The following DLC1 variants were observed in gnomAD, a reference collection of about 807,000 sequenced individuals.
DLC1 encodes DLC1 Rho GTPase activating protein.
Under a neutral mutation model 140.3 loss-of-function variants are expected in DLC1, and 54 were observed. The observed-to-expected ratio is 0.38, with a 90% CI of 0.31 to 0.48. The LOEUF is 0.48. DLC1 is among the 20% of genes least tolerant of loss of function. The probability of loss-of-function intolerance (pLI) is 0.96; values close to 1 mark genes in which losing one functional copy is unlikely to be tolerated. For synonymous variants in DLC1, 986 were observed against 728.1 expected (o/e 1.35, Z -5.70); for missense variants, 2,536 against 1,907.0 (o/e 1.33, Z -6.14).
intron 2 of DLC1, among the ~76,000 whole-genome samples, chr8:13,453,406 ATAT>A (rs1799171361): frequency 4.5e-5 from 2 of 44,682 alleles, no homozygotes; most frequent in African/African-American, 2.7e-4. Context: ...ATATATGTGT[ATAT>A]ATATATATAT....
chr8:13,344,880 T>C (rs937205294), intron 4 of DLC1, among the ~76,000 whole-genome samples: 4 of 152,206 alleles, frequency 2.6e-5, no homozygotes, highest in African/African-American at 9.6e-5. Context: ...CAAAAACTAA[T>C]TGTGTGCACA....
chr8:13,555,748 C>G (rs1236712278), intron 1 of DLC1, among the ~76,000 whole-genome samples: 1 of 151,888 alleles, frequency 6.6e-6, no homozygotes, highest in African/African-American at 2.4e-5. Context: ...GTGATCCTCT[C>G]CGCTTGGCCT....
At chr8:13,236,315 A>G (rs1829277748) in intron 5 of DLC1, among the ~76,000 whole-genome samples, 1 of 152,050 alleles carries the variant, frequency 6.6e-6, no homozygotes, top group Non-Finnish European at 1.5e-5. Flanking sequence ...ATTTCTTTTA[A>G]CAATCTTAGT....
intron 4 of DLC1, among the ~76,000 whole-genome samples, chr8:13,354,256 C>G (rs1434237323): frequency 2.0e-5 from 3 of 152,088 alleles, no homozygotes; most frequent in Admixed American, 2.0e-4. Flanking sequence ...TCTAACTAGC[C>G]AAAACTCCTG....
chr8:13,469,111 G>A lies in DLC1; in HGVS notation c.1023+29938C>T, dbSNP rs150019346. Among the ~76,000 whole-genome samples, 543 of 152,172 alleles carry A rather than the reference G, an allele frequency of 3.6e-3. 3 individuals are homozygous for A. Among genetic ancestry groups the A allele is most frequent in the African/African-American group, 0.012 (492 of 41,524 alleles). On this transcript the variant is annotated intron_variant, in intron 2 of 17. Coordinates refer to ENST00000276297, the MANE Select transcript of DLC1 (RefSeq NM_182643.3). The stretch of plus-strand genomic sequence containing the variant: ...TGGGATTACAGGCGTGAGCCACCGC[G>A]CCCAGCCTGTGTCTGCTTTTTATTC...
chr8:13,194,414 A>G (rs892976197), intron 5 of DLC1, among the ~76,000 whole-genome samples: 1 of 152,216 alleles, frequency 6.6e-6, no homozygotes, highest in African/African-American at 2.4e-5. Context: ...TATGAAAATA[A>G]CAGCTTGCAT....
At chr8:13,185,288 TTTTGTTTGTTTG>T (rs555796835) in intron 5 of DLC1, among the ~76,000 whole-genome samples, 4 of 144,374 alleles carry the variant, frequency 2.8e-5, no homozygotes, top group African/African-American at 5.2e-5. Context: ...TTTCTGTTTT[TTTTGTTTGTTTG>T]TTTGTTTGTT....
chr8:13,398,369 A>T (rs1056836944), intron 3 of DLC1, among the ~76,000 whole-genome samples: 1 of 152,118 alleles, frequency 6.6e-6, no homozygotes. Flanking sequence ...TAGGTGGTGG[A>T]GAAAATACAG....
At chr8:13,186,853 G>A (rs1826400797) in intron 5 of DLC1, among the ~76,000 whole-genome samples, 1 of 152,190 alleles carries the variant, frequency 6.6e-6, no homozygotes, top group African/African-American at 2.4e-5. Flanking sequence ...TGAACTTTTT[G>A]TTGATGTTGA....
At chr8:13,539,245 G>A (rs954328587) in intron 1 of DLC1, among the ~76,000 whole-genome samples, 2 of 152,008 alleles carry the variant, frequency 1.3e-5, no homozygotes, top group East Asian at 3.9e-4. Context: ...TGTTGCCCAG[G>A]CTGGAGTGCA....
chr8:13,306,669 C>T (rs1325026510), intron 4 of DLC1, among the ~76,000 whole-genome samples: 1 of 151,728 alleles, frequency 6.6e-6, no homozygotes, highest in Non-Finnish European at 1.5e-5. Context: ...CGAGAAATAG[C>T]AAATATCAAG....
At chr8:13,168,711 G>T (rs535759205) in intron 5 of DLC1, among the ~76,000 whole-genome samples, 1 of 152,298 alleles carries the variant, frequency 6.6e-6, no homozygotes, top group South Asian at 2.1e-4. Flanking sequence ...TGGCTGTTTT[G>T]CATTTGCTGT....
chr8:13,358,339 C>T (rs1029458943), intron 4 of DLC1, among the ~76,000 whole-genome samples: 3 of 152,180 alleles, frequency 2.0e-5, no homozygotes, highest in Admixed American at 6.5e-5. Context: ...TCAAAATACT[C>T]GTTTTGTCAC....
chr8:13,214,444 A>G lies in DLC1; in HGVS notation c.1348+90825T>C, dbSNP rs1233145106. The G allele has an allele frequency of 5.3e-6, 3 of 570,142 alleles. No homozygotes were observed. The East Asian group carries it at 8.5e-5, about 16-fold the overall frequency. 35.3% of individuals were successfully genotyped at this position (570,142 alleles called of 1,614,324 possible). A position where few individuals can be genotyped will look rare whatever the true frequency, so the allele number is the denominator to read the frequency against. On this transcript the variant is annotated intron_variant, in intron 5 of 17. Transcript: ENST00000276297. The stretch of plus-strand genomic sequence containing the variant: ...AGGACCTTGCAGCTTTGCACTGTCA[A>G]ACATGACCTGTGGTCTGTGCTGACT...
intron 2 of DLC1, among the ~76,000 whole-genome samples, chr8:13,439,481 T>G (rs79023911): frequency 6.9e-6 from 1 of 145,450 alleles, no homozygotes; most frequent in Non-Finnish European, 1.5e-5. Flanking sequence ...TTTTCTTTTC[T>G]TTTTTTTTTT....
chr8:13,126,884 G>A (rs1821627798), intron 5 of DLC1, among the ~76,000 whole-genome samples: 2 of 152,188 alleles, frequency 1.3e-5, no homozygotes, highest in African/African-American at 2.4e-5. Flanking sequence ...AAAGGTGATA[G>A]CAGGAACGTC....
intron 5 of DLC1, chr8:13,133,115 C>T (rs1453062673): frequency 6.8e-7 from 1 of 1,467,598 alleles, no homozygotes. Context: ...TTGCTCGCCG[C>T]TCCCTGCCCC....
chr8:13,495,262 C>CA (rs1406795887), intron 2 of DLC1, among the ~76,000 whole-genome samples: 2 of 152,186 alleles, frequency 1.3e-5, no homozygotes, highest in Non-Finnish European at 2.9e-5. Context: ...TAACCCACTT[C>CA]TTTAAGAAAA....
chr8:13,328,148 C>T (rs1474509817), intron 4 of DLC1, among the ~76,000 whole-genome samples: 1 of 152,046 alleles, frequency 6.6e-6, no homozygotes. Flanking sequence ...GCACTGAGCA[C>T]CTATACGTGG....
Sources: allele counts gnomAD v4.1 joint callset (sites outside exome capture counted in the v4.1 genomes callset), GRCh38; gene constraint gnomAD v4.1.1; transcripts MANE v1.5; gene names NCBI Gene and HGNC (gene_info 2026-07-23, HGNC 2026-07-21).